The following SPDYE10 variants were observed in gnomAD, a reference collection of about 807,000 sequenced individuals.
SPDYE10 encodes speedy protein E10.
At chr7:73,126,909 GTTTTTTT>G in the SPDYE10 span, among the ~76,000 whole-genome samples, 2 of 68,806 alleles carry the variant, frequency 2.9e-5, no homozygotes, top group Non-Finnish European at 5.5e-5. Flanking sequence ...GTTGTTGGTG[GTTTTTTT>G]TTTTTTTTTT....
At chr7:73,149,855 A>C in the SPDYE10 span, among the ~76,000 whole-genome samples, 1 of 106,954 alleles carries the variant, frequency 9.3e-6, no homozygotes. Flanking sequence ...CCGAGAGGGC[A>C]AGTCCCAATG....
At chr7:73,137,536 G>GAGAGAGAGAAAGAA in the SPDYE10 span, among the ~76,000 whole-genome samples, 1 of 144,410 alleles carries the variant, frequency 6.9e-6, no homozygotes, top group African/African-American at 2.6e-5. Flanking sequence ...AGGAAAGAAA[G>GAGAGAGAGAAAGAA]AGAGAGAGAA....
the SPDYE10 span, among the ~76,000 whole-genome samples, chr7:73,114,408 CT>C: frequency 6.8e-6 from 1 of 148,090 alleles, no homozygotes; most frequent in East Asian, 2.0e-4. Context: ...GTTTGTACAC[CT>C]TGCATTCCCA....
the SPDYE10 span, among the ~76,000 whole-genome samples, chr7:73,123,929 TG>T: frequency 6.6e-6 from 1 of 151,834 alleles, no homozygotes; most frequent in Non-Finnish European, 1.5e-5. Flanking sequence ...AGCTAATTTT[TG>T]TGGGGTTTTT....
the SPDYE10 span, among the ~76,000 whole-genome samples, chr7:73,145,190 C>A: frequency 1.9e-5 from 2 of 107,618 alleles, no homozygotes; most frequent in South Asian, 5.8e-4. Context: ...TTCATCTTTT[C>A]TTTCTTTCGT....
At chr7:73,128,571 CT>C in the SPDYE10 span, among the ~76,000 whole-genome samples, 4 of 148,802 alleles carry the variant, frequency 2.7e-5, no homozygotes, top group Non-Finnish European at 4.5e-5. Flanking sequence ...ATCTCAACGG[CT>C]TTTTTTTTAA....
the SPDYE10 span, among the ~76,000 whole-genome samples, chr7:73,126,774 C>T: frequency 1.3e-5 from 2 of 150,422 alleles, no homozygotes; most frequent in Admixed American, 6.6e-5. Context: ...AACTCCTGGG[C>T]TCAAGCAATT....
the SPDYE10 span, among the ~76,000 whole-genome samples, chr7:73,135,390 G>T: frequency 6.6e-6 from 1 of 150,960 alleles, no homozygotes; most frequent in Admixed American, 6.6e-5. Context: ...GACTGCCAAA[G>T]AATTGCTTTG....
the SPDYE10 span, among the ~76,000 whole-genome samples, chr7:73,113,794 G>C: frequency 5.9e-4 from 90 of 152,014 alleles, no homozygotes; most frequent in African/African-American, 2.1e-3. Flanking sequence ...CCAGCACTTT[G>C]GGAGGCCAAG....
the SPDYE10 span, among the ~76,000 whole-genome samples, chr7:73,138,067 C>T: frequency 2.0e-5 from 3 of 152,234 alleles, no homozygotes; most frequent in Non-Finnish European, 2.9e-5. Flanking sequence ...CAAAAGCTTT[C>T]CTGGCACAGA....
At chr7:73,141,111 CAG>C in the SPDYE10 span, among the ~76,000 whole-genome samples, 24 of 145,530 alleles carry the variant, frequency 1.6e-4, no homozygotes, top group South Asian at 1.1e-3. Flanking sequence ...CACACACACA[CAG>C]ACAAAATTAG....
At chr7:73,111,402 T>G in the SPDYE10 span, among the ~76,000 whole-genome samples, 3 of 146,400 alleles carry the variant, frequency 2.0e-5, no homozygotes, top group African/African-American at 7.6e-5. Flanking sequence ...TTTTTTTTTT[T>G]TTTGTTTCGA....
At chr7:73,123,934 G>GGTTTTTCT in the SPDYE10 span, among the ~76,000 whole-genome samples, 1 of 151,616 alleles carries the variant, frequency 6.6e-6, no homozygotes, top group Non-Finnish European at 1.5e-5. Flanking sequence ...ATTTTTGTGG[G>GGTTTTTCT]GTTTTTTTGT....
chr7:73,127,637 T>TAA, the SPDYE10 span, among the ~76,000 whole-genome samples: 1 of 71,556 alleles, frequency 1.4e-5, no homozygotes, highest in Non-Finnish European at 3.1e-5. Flanking sequence ...GGGAAGACAA[T>TAA]TAAAAAAAAA....
the SPDYE10 span, among the ~76,000 whole-genome samples, chr7:73,114,941 C>G: frequency 6.8e-6 from 1 of 146,182 alleles, no homozygotes; most frequent in Non-Finnish European, 1.5e-5. Flanking sequence ...GAGTCTCGCT[C>G]TGTCATCCAG....
chr7:73,137,651 AAG>A, the SPDYE10 span, among the ~76,000 whole-genome samples: 1 of 132,624 alleles, frequency 7.5e-6, no homozygotes, highest in African/African-American at 3.0e-5. Flanking sequence ...AGGAGAAAGA[AAG>A]AAAAGAGAAA....
At chr7:73,150,948 A>ATATATTTT in the SPDYE10 span, among the ~76,000 whole-genome samples, 6 of 4,940 alleles carry the variant, frequency 1.2e-3, 1 homozygote, top group East Asian at 0.016. Context: ...ATATATATAT[A>ATATATTTT]TTTTTTTTTT....
chr7:73,145,035 G>T, the SPDYE10 span, among the ~76,000 whole-genome samples: 2 of 121,724 alleles, frequency 1.6e-5, no homozygotes, highest in African/African-American at 7.6e-5. Context: ...AAGAATTAAT[G>T]AGTTAATATA....
the SPDYE10 span, among the ~76,000 whole-genome samples, chr7:73,149,708 G>A: frequency 4.8e-5 from 7 of 145,338 alleles, no homozygotes; most frequent in South Asian, 4.4e-4. Flanking sequence ...AGATGGTCTC[G>A]TTCACATCTT....
Sources: gnomAD v4.1 joint callset for allele counts (sites outside exome capture counted in the v4.1 genomes callset) on GRCh38, gnomAD v4.1.1 for gene constraint, MANE v1.5 for transcripts, NCBI Gene and HGNC (gene_info 2026-07-23, HGNC 2026-07-21) for gene names.